Variants in RELB observed in about 807,000 individuals in gnomAD.
The protein encoded by RELB is RELB proto-oncogene, NF-kB subunit.
In RELB, 14 loss-of-function variants were observed where a neutral mutation model predicts 55.4. The ratio of observed to expected loss-of-function variants is 0.25; its 90% confidence interval spans 0.17 to 0.40. RELB has a LOEUF of 0.40. RELB is among the 10% of genes least tolerant of loss of function. The pLI is 1.00. For missense variants in RELB, 669 were observed against 830.7 expected (o/e 0.81, Z 2.39); for synonymous variants, 409 against 371.3 (o/e 1.10, Z -1.17).
At chr19:45,026,657 A>G (rs1354069849) in intron 7 of RELB, among the ~76,000 whole-genome samples, 1 of 152,164 alleles carries the variant, frequency 6.6e-6, no homozygotes, top group Non-Finnish European at 1.5e-5. Flanking sequence ...ATAAGTAATA[A>G]TCTCTCTCCC....
intron 8 of RELB, 31 bp downstream of exon 8, chr19:45,029,023 G>T: frequency 1.3e-6 from 2 of 1,512,028 alleles, no homozygotes; most frequent in South Asian, 2.4e-5. Flanking sequence ...AGCTTGGGCA[G>T]AGCGGGGTCT....
chr19:45,002,824 T>C, intron 1 of RELB, 125 bp from the exon 2 acceptor site: 1 of 715,978 alleles, frequency 1.4e-6, no homozygotes, highest in South Asian at 1.8e-5. Flanking sequence ...AGGGGGGCAG[T>C]CAGGGCGAGG....
At chr19:45,025,219 GC>G in intron 5 of RELB, 109 bp from the exon 6 acceptor site, 1 of 743,482 alleles carries the variant, frequency 1.3e-6, no homozygotes, top group Non-Finnish European at 2.3e-6. Context: ...TGGGATGTCA[GC>G]CCCTGAGAGC....
At chr19:45,018,173 G>A (rs541683566) in intron 4 of RELB, among the ~76,000 whole-genome samples, 310 of 152,040 alleles carry the variant, frequency 2.0e-3, no homozygotes, top group African/African-American at 6.8e-3. Context: ...GGGAGACTAA[G>A]GCAGGCAGAT....
At chr19:45,026,474 G>A (rs964933629) in intron 7 of RELB, among the ~76,000 whole-genome samples, 1 of 152,058 alleles carries the variant, frequency 6.6e-6, no homozygotes, top group Non-Finnish European at 1.5e-5. Flanking sequence ...TACCTGGGAG[G>A]CGGAGGTTGC....
intron 5 of RELB, among the ~76,000 whole-genome samples, chr19:45,023,674 G>A (rs189869145): frequency 7.8e-4 from 116 of 149,556 alleles, no homozygotes; most frequent in Non-Finnish European, 1.2e-3. Flanking sequence ...TCCTGACCTC[G>A]TGATCCGCCC....
intron 8 of RELB, among the ~76,000 whole-genome samples, chr19:45,031,093 G>A (rs945661731): frequency 7.2e-5 from 11 of 152,108 alleles, no homozygotes; most frequent in African/African-American, 2.2e-4. Context: ...CTGTGATGAC[G>A]GGCGATGCAG....
At chr19:45,003,893 G>GT (rs368461486) in intron 2 of RELB, among the ~76,000 whole-genome samples, 34 of 113,846 alleles carry the variant, frequency 3.0e-4, no homozygotes, top group East Asian at 1.1e-3. Context: ...GTGTGTGTGG[G>GT]TTTTTTTTGT....
At chr19:45,037,076 C>T (rs939988717) in intron 11 of RELB, among the ~76,000 whole-genome samples, 1 of 151,950 alleles carries the variant, frequency 6.6e-6, no homozygotes, top group South Asian at 2.1e-4. Context: ...GTCAGGAGTT[C>T]GAGACCAGCC....
rs1278718381 is a variant in RELB, at chr19:45,032,515, G to A, written c.992-19G>A. The A allele has an allele frequency of 1.3e-5, 21 of 1,597,220 alleles. 1 individual carries two copies. Among genetic ancestry groups the A allele is most frequent in the Non-Finnish European group, 1.8e-5 (21 of 1,169,624 alleles). On this transcript the variant is annotated intron_variant, in intron 8 of 11. Transcript: ENST00000221452. ...GTCCAGATGTCCTGGCTTAGCTGAT[G>A]TCCCCCGTTTCCTGCCAGAGGACAT...
rs1217795221 is a variant in RELB at position 45,001,634 on chromosome 19, C to A, written c.55C>A (p.Pro19Thr). 1.2e-5 allele frequency: 18 copies of A among 1,523,740 alleles called. No individual in the cohort carries two copies. Among genetic ancestry groups the A allele is most frequent in the Middle Eastern group, 2.1e-4 (1 of 4,858 alleles). The allele number at this position is 1,523,740 out of a possible 1,614,324, so 94.4% of individuals were successfully genotyped here. A position where few individuals can be genotyped will look rare whatever the true frequency, so the allele number is the denominator to read the frequency against. The change falls in exon 1 of 12, where the codon CCG becomes ACG. Residue 19 changes from proline (P) to threonine (T), a missense_variant. This residue lies in a region of RELB where 323 missense variants were observed against 368.5 expected (regional missense o/e 0.88). Coordinates refer to ENST00000221452, the MANE Select transcript of RELB (RefSeq NM_006509.4). Reference protein sequence around the residue: ...GPSVPTGRAMPSRRVARPPAA... With the variant: ...GPSVPTGRAMTSRRVARPPAA... ...GTCCGTCCCCACTGGCCGGGCCATG[C>A]CGAGTCGCCGCGTCGCCAGACCGCC...
At chr19:45,020,519 T>C (rs1374610941) in intron 4 of RELB, among the ~76,000 whole-genome samples, 2 of 150,000 alleles carry the variant, frequency 1.3e-5, no homozygotes, top group Non-Finnish European at 3.0e-5. Context: ...TGGCCCATCA[T>C]TTGTTGTCTT....
Position 45,037,566 on chromosome 19 carries a change from C to A in RELB, c.1516C>A (p.Pro506Thr), listed in dbSNP as rs777648747. The A allele has an allele frequency of 1.4e-5, 23 of 1,611,888 alleles. No homozygotes were observed. The highest frequency in any genetic ancestry group is 1.8e-5 in the Non-Finnish European group (21 of 1,179,178). The change falls in exon 12 of 12, where the codon CCC (proline) becomes ACC (threonine). Residue 506 changes from proline (P) to threonine (T), a missense_variant. Physicochemically the swap from Pro to Thr is conservative, Grantham distance 38 (BLOSUM62 -1). This residue lies in a region of RELB where 341 missense variants were observed against 436.8 expected (regional missense o/e 0.78). Coordinates refer to ENST00000221452, the MANE Select transcript of RELB (RefSeq NM_006509.4). ...ACTCTTCACCATGCTGGACCTGCTGCCCCCGGCACCGCCACACGCTAGCGC... is the reference window on the plus strand; with the variant it reads ...ACTCTTCACCATGCTGGACCTGCTGACCCCGGCACCGCCACACGCTAGCGC... ...PTLFTMLDLLPPAPPHASAVV... is the reference protein window; with the variant it reads ...PTLFTMLDLLTPAPPHASAVV...
rs545203833 is a variant in RELB at position 45,024,677 on chromosome 19, G to A, written c.663-652G>A. Among the ~76,000 whole-genome samples the A allele has an allele frequency of 1.9e-4, 29 of 152,006 alleles. 1 individual carries two copies. Among genetic ancestry groups the A allele is most frequent in the African/African-American group, 7.0e-4 (29 of 41,476 alleles). ...CAATTCTCCTGCCTCAGCCTCCTGAGTAGCTGGGATTACAGGTGTGCGCCA... is the reference window on the plus strand; with the variant it reads ...CAATTCTCCTGCCTCAGCCTCCTGAATAGCTGGGATTACAGGTGTGCGCCA... On this transcript the variant is annotated intron_variant, in intron 5 of 11. Transcript: ENST00000221452.
chr19:45,008,000 C>CAAAA (rs57007961), intron 2 of RELB, among the ~76,000 whole-genome samples: 18 of 63,004 alleles, frequency 2.9e-4, no homozygotes, highest in East Asian at 1.2e-3. Flanking sequence ...GCTAAAAATA[C>CAAAA]AAAAAAAAAA....
At chr19:45,032,284 T>C (rs1971632933) in intron 8 of RELB, 3 of 392,910 alleles carry the variant, frequency 7.6e-6, no homozygotes. Flanking sequence ...CCGGGCGTGG[T>C]GGCATATGCC....
rs371773464 is a variant in RELB at position 45,023,626 on chromosome 19, G to C, written c.662+1416G>C. Among the ~76,000 whole-genome samples the C allele has an allele frequency of 1.9e-4, 29 of 150,692 alleles. No individual in the cohort carries two copies. In the East Asian group the frequency reaches 4.5e-3, roughly 23 times the overall value. On this transcript the variant is annotated intron_variant, in intron 5 of 11. Coordinates refer to ENST00000221452, the MANE Select transcript of RELB (RefSeq NM_006509.4). The stretch of plus-strand genomic sequence containing the variant: ...CTATTTTTTTTGTATTTTTAGTACA[G>C]ACGGGGTTTCGCCGTGTTAGCCAGG...
chr19:45,024,026 A>G (rs538030631), intron 5 of RELB, among the ~76,000 whole-genome samples: 1 of 72,728 alleles, frequency 1.4e-5, no homozygotes, highest in African/African-American at 4.3e-5. Context: ...TATTTTTAGT[A>G]GAGACGGGGT....
At position 45,032,542 on chromosome 19, in the gene RELB, T is replaced by A; in HGVS notation, c.1000T>A (p.Ser334Thr). Residue 334 changes from serine to threonine, a missense_variant, in exon 9 of 12, where the codon TCA becomes ACA. This residue lies in a region of RELB where 341 missense variants were observed against 436.8 expected (regional missense o/e 0.78). Coordinates refer to ENST00000221452, the MANE Select transcript of RELB (RefSeq NM_006509.4). ...LCDKVQKEDI[S>T]VVFSRASWEG... Reference sequence around the variant, plus strand: ...CCCCCGTTTCCTGCCAGAGGACATATCAGTGGTGTTCAGCAGGGCCTCCTG... The same window carrying A: ...CCCCCGTTTCCTGCCAGAGGACATAACAGTGGTGTTCAGCAGGGCCTCCTG... 2 of 1,612,292 alleles carry A rather than the reference T, an allele frequency of 1.2e-6. No homozygotes were observed. The highest frequency in any genetic ancestry group is 1.7e-6 in the Non-Finnish European group (2 of 1,179,314).
Sources: gnomAD v4.1 joint callset for allele counts (sites outside exome capture counted in the v4.1 genomes callset) on GRCh38, gnomAD v4.1.1 for gene constraint, gnomAD v4.1.1 regional missense constraint, MANE v1.5 for transcripts, NCBI Gene and HGNC (gene_info 2026-07-23, HGNC 2026-07-21) for gene names.